The following DACH2 variants were observed in gnomAD, a reference collection of about 807,000 sequenced individuals.
The protein encoded by DACH2 is dachshund homolog 2.
Under a neutral mutation model 35.8 loss-of-function variants are expected in DACH2, and 17 were observed. The ratio of observed to expected loss-of-function variants is 0.48; its 90% CI spans 0.33 to 0.71. The LOEUF (loss-of-function observed/expected upper bound fraction) is 0.71. Ranked by LOEUF, DACH2 falls within the 30% of genes least tolerant of loss-of-function variation. The pLI, the probability that DACH2 is intolerant of heterozygous loss-of-function variation, is 0.02. For missense variants in DACH2, 469 were observed against 472.7 expected (o/e 0.99, Z 0.07); for synonymous variants, 195 against 177.3 (o/e 1.10, Z -0.79).
At chrX:86,396,601 A>C (rs1463671995) in intron 2 of DACH2, among the ~76,000 whole-genome samples, 6 of 108,039 alleles carry the variant, frequency 5.6e-5, no homozygotes, top group African/African-American at 1.0e-4. Context: ...TCAGCTTTCT[A>C]CATATGGCTA....
At chrX:86,690,728 A>T (rs2040999685) in intron 4 of DACH2, among the ~76,000 whole-genome samples, 1 of 112,229 alleles carries the variant, frequency 8.9e-6, no homozygotes, top group Non-Finnish European at 1.9e-5. Context: ...TATTGTTCTT[A>T]CACTGATTCT....
At chrX:86,630,383 C>T (rs2040185966) in intron 3 of DACH2, among the ~76,000 whole-genome samples, 1 of 109,066 alleles carries the variant, frequency 9.2e-6, no homozygotes, top group African/African-American at 3.3e-5. Context: ...TATATACACA[C>T]ATACATATAC....
intron 1 of DACH2, among the ~76,000 whole-genome samples, chrX:86,257,953 A>G (rs749510757): frequency 1.8e-5 from 2 of 111,318 alleles, no homozygotes; most frequent in South Asian, 7.6e-4. Context: ...CAGATCGGAT[A>G]GGGTCTAGAT....
chrX:86,149,884 G>C (rs1414249897), intron 1 of DACH2, among the ~76,000 whole-genome samples: 1 of 111,911 alleles, frequency 8.9e-6, no homozygotes, highest in Admixed American at 9.5e-5. Flanking sequence ...GGACTGGATT[G>C]GAGGTTGGTG....
At chrX:86,747,602 C>T (rs2041727476) in intron 7 of DACH2, among the ~76,000 whole-genome samples, 1 of 111,760 alleles carries the variant, frequency 8.9e-6, no homozygotes, top group Non-Finnish European at 1.9e-5. Flanking sequence ...AGTATACATA[C>T]CTTAATTTGA....
At chrX:86,369,721 T>G (rs955609961) in intron 1 of DACH2, among the ~76,000 whole-genome samples, 14 of 111,667 alleles carry the variant, frequency 1.3e-4, no homozygotes, top group African/African-American at 4.2e-4. Context: ...TTTTCATGAA[T>G]AGCTTTATAA....
chrX:86,266,113 T>G (rs1473623382), intron 1 of DACH2, among the ~76,000 whole-genome samples: 1 of 111,288 alleles, frequency 9.0e-6, no homozygotes. Context: ...GTTTTCAACC[T>G]TTATCATGCC....
intron 1 of DACH2, among the ~76,000 whole-genome samples, chrX:86,295,339 A>G (rs2034426375): frequency 8.9e-6 from 1 of 111,890 alleles, no homozygotes. Flanking sequence ...AGTGAGATGA[A>G]CCCAGTACCT....
intron 4 of DACH2, among the ~76,000 whole-genome samples, chrX:86,686,952 G>T (rs766996743): frequency 2.4e-4 from 27 of 112,257 alleles, no homozygotes; most frequent in Non-Finnish European, 4.9e-4. Flanking sequence ...TAGAAACAAA[G>T]ATTTTGGGAC....
chrX:86,591,381 C>G (rs911745803), intron 3 of DACH2, among the ~76,000 whole-genome samples: 11 of 111,184 alleles, frequency 9.9e-5, no homozygotes, highest in African/African-American at 3.6e-4. Flanking sequence ...AGTTCTAGAT[C>G]CCTGAGGAAT....
At chrX:86,542,449 A>T (rs1349252389) in intron 3 of DACH2, among the ~76,000 whole-genome samples, 1 of 111,265 alleles carries the variant, frequency 9.0e-6, no homozygotes, top group African/African-American at 3.3e-5. Context: ...ATGTCAGGGC[A>T]ACCTTTGGGG....
chrX:86,273,162 T>C (rs896803042), intron 1 of DACH2, among the ~76,000 whole-genome samples: 24 of 112,278 alleles, frequency 2.1e-4, no homozygotes, highest in Non-Finnish European at 3.9e-4. Context: ...CAGTTTTCTA[T>C]ATGTACATTT....
chrX:86,800,572 G>A (rs1351221413), intron 7 of DACH2, among the ~76,000 whole-genome samples: 1 of 111,842 alleles, frequency 8.9e-6, no homozygotes. Flanking sequence ...TTTGGTAAAG[G>A]TTGTTAAATT....
At position 86,411,036 on chromosome X, in the gene DACH2, A is replaced by ATATATATATATATATATATG. The variant is rs768655432; in HGVS notation, c.527+34177_527+34178insATATATATATATATATGTAT. On this transcript the variant is annotated intron_variant, in intron 2 of 11. Transcript: ENST00000373125. ...CTAATATGATTATATATATATATAT[A>ATATATATATATATATATATG]TATGTATATATGTAAAGGGGAGTTT... Among the ~76,000 whole-genome samples, 46 of 79,934 alleles carry ATATATATATATATATATATG rather than the reference A, an allele frequency of 5.8e-4. 1 individual carries two copies. Among genetic ancestry groups the ATATATATATATATATATATG allele is most frequent in the South Asian group, 1.3e-3 (2 of 1,490 alleles). 69.4% of individuals were successfully genotyped at this position (79,934 alleles called of 115,157 possible).
chrX:86,512,144 G>C (rs1410492767), intron 2 of DACH2, among the ~76,000 whole-genome samples: 2 of 111,349 alleles, frequency 1.8e-5, no homozygotes, highest in Non-Finnish European at 3.8e-5. Flanking sequence ...CCTTCATGGA[G>C]CTTAGATTCC....
At chrX:86,295,120 A>T (rs763238611) in intron 1 of DACH2, among the ~76,000 whole-genome samples, 1 of 112,335 alleles carries the variant, frequency 8.9e-6, no homozygotes, top group Admixed American at 9.4e-5. Context: ...ATATAATCTG[A>T]TGCCCCGTTT....
intron 1 of DACH2, among the ~76,000 whole-genome samples, chrX:86,215,538 G>C (rs985976016): frequency 1.8e-5 from 2 of 111,570 alleles, no homozygotes; most frequent in Non-Finnish European, 3.8e-5. Context: ...CATTATAAAA[G>C]AGCATGGCAT....
At chrX:86,578,818 A>G (rs2039467511) in intron 3 of DACH2, among the ~76,000 whole-genome samples, 1 of 112,004 alleles carries the variant, frequency 8.9e-6, no homozygotes, top group African/African-American at 3.2e-5. Flanking sequence ...TGTATAGTAT[A>G]TAATTGCTAC....
At chrX:86,764,821 G>A (rs746084717) in intron 7 of DACH2, among the ~76,000 whole-genome samples, 51 of 111,972 alleles carry the variant, frequency 4.6e-4, no homozygotes, top group Non-Finnish European at 8.1e-4. Flanking sequence ...CTTCCACAGT[G>A]GCTGAACTAA....
Sources: allele counts gnomAD v4.1 joint callset (sites outside exome capture counted in the v4.1 genomes callset), GRCh38; gene constraint gnomAD v4.1.1; transcripts MANE v1.5; gene names NCBI Gene and HGNC (gene_info 2026-07-23, HGNC 2026-07-21).